Variants in SULF1 observed in about 807,000 individuals in gnomAD.
The protein encoded by SULF1 is sulfatase 1, also known as extracellular sulfatase Sulf-1.
In SULF1, 46 loss-of-function variants were observed where a neutral mutation model predicts 110.5. That is an observed-to-expected ratio of 0.42 (90% CI 0.33 to 0.53). The LOEUF (loss-of-function observed/expected upper bound fraction) is 0.53, where lower values mean the gene tolerates loss of function less well. Ranked by LOEUF, SULF1 falls within the 20% of genes least tolerant of loss-of-function variation. The pLI is 0.12. For synonymous variants in SULF1, 371 were observed against 387.1 expected, an observed-to-expected ratio of 0.96 and a Z score of 0.49; for missense variants, 941 against 1,094.2, an observed-to-expected ratio of 0.86 and a Z score of 1.98.
chr8:69,644,760 CAAA>C (rs59189043), intron 22 of SULF1, among the ~76,000 whole-genome samples: 3 of 115,162 alleles, frequency 2.6e-5, no homozygotes, highest in East Asian at 2.7e-4. Flanking sequence ...GACGCCGTCT[CAAA>C]AAAAAAAAAA....
chr8:69,497,256 C>G (rs1173563363), intron 2 of SULF1, among the ~76,000 whole-genome samples: 1 of 146,504 alleles, frequency 6.8e-6, no homozygotes, highest in Non-Finnish European at 1.5e-5. Context: ...CTCCTGGATT[C>G]AAGCAATTCT....
chr8:69,476,101 T>A (rs891738723), intron 1 of SULF1, among the ~76,000 whole-genome samples: 1 of 152,122 alleles, frequency 6.6e-6, no homozygotes, highest in South Asian at 2.1e-4. Context: ...AGAGATGAAA[T>A]ATTTAAGTTG....
chr8:69,543,065 G>A (rs1227065032), intron 3 of SULF1, among the ~76,000 whole-genome samples: 2 of 152,250 alleles, frequency 1.3e-5, no homozygotes, highest in South Asian at 2.1e-4. Flanking sequence ...GTGGTTCTGT[G>A]AGATAGAGAT....
intron 19 of SULF1, among the ~76,000 whole-genome samples, chr8:69,633,277 T>A (rs1369643863): frequency 1.3e-5 from 2 of 151,994 alleles, no homozygotes; most frequent in Non-Finnish European, 2.9e-5. Context: ...TCAGAAAGAT[T>A]TTCTGGTTCC....
At chr8:69,581,638 C>A (rs767247630) in intron 6 of SULF1, among the ~76,000 whole-genome samples, 1 of 152,112 alleles carries the variant, frequency 6.6e-6, no homozygotes. Context: ...TTGAACTATA[C>A]GTAACCTACA....
chr8:69,547,174 G>A lies in SULF1; in HGVS notation c.-133-16365G>A, dbSNP rs144631881. ...GGTTATGCTTTCTCAAGCTACTGTG[G>A]CAGGAGGAGGTGGGGTGGGGTGGGG... is the stretch of plus-strand genomic sequence containing the variant. On this transcript the variant is annotated intron_variant, in intron 3 of 22. Transcript: ENST00000402687. Among the ~76,000 whole-genome samples the A allele has an allele frequency of 5.4e-3, 829 of 152,128 alleles. 5 individuals carry two copies. Among genetic ancestry groups the A allele is most frequent in the Non-Finnish European group, 8.8e-3 (600 of 67,966 alleles).
intron 8 of SULF1, among the ~76,000 whole-genome samples, chr8:69,595,093 A>T (rs1457577413): frequency 1.3e-5 from 2 of 152,224 alleles, no homozygotes; most frequent in African/African-American, 2.4e-5. Context: ...AAGATATTTA[A>T]ACAGTCGATT....
intron 1 of SULF1, among the ~76,000 whole-genome samples, chr8:69,479,490 T>A (rs1015567970): frequency 2.6e-5 from 4 of 152,146 alleles, no homozygotes; most frequent in African/African-American, 9.7e-5. Flanking sequence ...GCAACTGAGG[T>A]AAAAGGTTTA....
At chr8:69,649,158 G>A (rs933829546) in intron 22 of SULF1, among the ~76,000 whole-genome samples, 12 of 152,110 alleles carry the variant, frequency 7.9e-5, no homozygotes, top group African/African-American at 2.7e-4. Context: ...TTCTAATGTC[G>A]AATAAATTTA....
At chr8:69,578,217 A>T (rs984570516) in intron 6 of SULF1, among the ~76,000 whole-genome samples, 1 of 152,164 alleles carries the variant, frequency 6.6e-6, no homozygotes, top group African/African-American at 2.4e-5. Context: ...CTTAAGAGGG[A>T]TTGAGAGAGT....
rs748661181 is a variant in SULF1 at position 69,564,088 on chromosome 8, G to A, written c.113G>A (p.Arg38Gln). ...TTCAGAGGACGGATACAGCAGGAAC[G>A]AAAAAACATCCGACCCAACATTATT... ...PRFRGRIQQERKNIRPNIILV... is the reference protein window; with the variant it reads ...PRFRGRIQQEQKNIRPNIILV... Residue 38 changes from arginine to glutamine, a missense_variant, in exon 5 of 23, where the codon CGA becomes CAA. Transcript: ENST00000402687. 2.2e-5 allele frequency: 36 copies of A among 1,613,968 alleles called. No homozygotes were observed. Among genetic ancestry groups the A allele is most frequent in the Non-Finnish European group, 2.8e-5 (33 of 1,180,024 alleles).
At chr8:69,592,084 A>G (rs1806950609) in intron 8 of SULF1, among the ~76,000 whole-genome samples, 1 of 152,184 alleles carries the variant, frequency 6.6e-6, no homozygotes, top group Non-Finnish European at 1.5e-5. Context: ...GAAGGAAACC[A>G]GGAAAACTTC....
At chr8:69,478,724 T>C (rs1273218598) in intron 1 of SULF1, among the ~76,000 whole-genome samples, 2 of 152,246 alleles carry the variant, frequency 1.3e-5, no homozygotes, top group African/African-American at 4.8e-5. Flanking sequence ...CTTAATTATG[T>C]ACAATTTTGC....
intron 13 of SULF1, among the ~76,000 whole-genome samples, chr8:69,617,331 T>C (rs1809229602): frequency 7.3e-6 from 1 of 136,372 alleles, no homozygotes; most frequent in Non-Finnish European, 1.6e-5. Context: ...TGTGCCAGCA[T>C]GCTTAGATGT....
In SULF1 at chr8:69,619,903, C is replaced by T. The variant is rs555580845; in HGVS notation, c.1378-1132C>T. The stretch of plus-strand genomic sequence containing the variant: ...TACAATGCTCTTTTAGCCTTGCCGT[C>T]TGCAGACAGCTTGTTAACCAGTTCA... On this transcript the variant is annotated intron_variant, in intron 13 of 22. Coordinates refer to ENST00000402687, the MANE Select transcript of SULF1 (RefSeq NM_001128205.2). 1.1e-4 allele frequency among the ~76,000 whole-genome samples: 16 copies of T among 152,346 alleles called. No homozygotes were observed. The South Asian group carries it at 2.9e-3, about 28-fold the overall frequency.
chr8:69,571,330 T>G (rs528675594), intron 5 of SULF1, among the ~76,000 whole-genome samples: 1 of 152,316 alleles, frequency 6.6e-6, no homozygotes, highest in East Asian at 1.9e-4. Context: ...AGCAACAACC[T>G]TGTAAACTAG....
At chr8:69,473,540 T>TA (rs1400768871) in intron 1 of SULF1, among the ~76,000 whole-genome samples, 1 of 152,188 alleles carries the variant, frequency 6.6e-6, no homozygotes, top group Non-Finnish European at 1.5e-5. Context: ...GAATATAAAC[T>TA]AAAAAACATT....
chr8:69,525,989 C>T (rs1209716507), intron 3 of SULF1, among the ~76,000 whole-genome samples: 1 of 152,172 alleles, frequency 6.6e-6, no homozygotes, highest in Non-Finnish European at 1.5e-5. Flanking sequence ...TAGCTCTATT[C>T]TTTGGATAGG....
chr8:69,532,714 C>A (rs1423174667), intron 3 of SULF1, among the ~76,000 whole-genome samples: 1 of 152,142 alleles, frequency 6.6e-6, no homozygotes, highest in East Asian at 1.9e-4. Context: ...GTTGTTTTTA[C>A]CATCTTGAAC....
Sources: gnomAD v4.1 joint callset for allele counts (sites outside exome capture counted in the v4.1 genomes callset) on GRCh38, gnomAD v4.1.1 for gene constraint, MANE v1.5 for transcripts, NCBI Gene and HGNC (gene_info 2026-07-23, HGNC 2026-07-21) for gene names.